Variants in EDA observed in about 807,000 individuals in gnomAD.
EDA encodes the protein ectodysplasin-A.
In EDA, 2 loss-of-function variants were observed where a neutral mutation model predicts 23.6. The observed-to-expected ratio is 0.08, with a 90% CI of 0.03 to 0.27. The LOEUF is 0.27. Among genes scored for constraint, EDA ranks in the 10% least tolerant of loss-of-function variants. The pLI is 1.00. For synonymous variants in EDA, 131 were observed against 132.0 expected (o/e 0.99, Z 0.05); for missense variants, 229 against 324.2 (o/e 0.71, Z 2.26).
At chrX:69,784,909 T>C (rs1235347014) in intron 1 of EDA, among the ~76,000 whole-genome samples, 3 of 111,427 alleles carry the variant, frequency 2.7e-5, no homozygotes, top group East Asian at 2.8e-4. Flanking sequence ...CGATATTGAT[T>C]CTTCCTACCC....
chrX:69,670,726 G>A (rs2147267001), intron 1 of EDA, among the ~76,000 whole-genome samples: 1 of 108,644 alleles, frequency 9.2e-6, no homozygotes, highest in South Asian at 4.0e-4. Context: ...TAATTTTGCT[G>A]ATTGAACTTT....
chrX:69,656,389 C>G (rs754033767), intron 1 of EDA, among the ~76,000 whole-genome samples: 35 of 111,772 alleles, frequency 3.1e-4, no homozygotes, highest in Admixed American at 2.9e-4. Flanking sequence ...AATCACAATT[C>G]TAATAACATT....
intron 1 of EDA, among the ~76,000 whole-genome samples, chrX:69,619,057 A>G (rs1054414735): frequency 8.9e-6 from 1 of 112,238 alleles, no homozygotes; most frequent in Non-Finnish European, 1.9e-5. Flanking sequence ...AGAATTCTAC[A>G]TTGTGCTGAC....
chrX:69,845,494 C>T (rs2016988540), intron 1 of EDA, among the ~76,000 whole-genome samples: 1 of 112,352 alleles, frequency 8.9e-6, no homozygotes, highest in Admixed American at 9.4e-5. Context: ...CAATTAGCAA[C>T]TTTACATAGC....
intron 1 of EDA, among the ~76,000 whole-genome samples, chrX:69,752,740 G>C (rs1160214708): frequency 8.9e-6 from 1 of 111,768 alleles, no homozygotes; most frequent in Non-Finnish European, 1.9e-5. Flanking sequence ...ATTAATTATT[G>C]CCTCAATTTC....
chrX:69,699,237 T>A (rs1038394855), intron 1 of EDA, among the ~76,000 whole-genome samples: 1 of 111,070 alleles, frequency 9.0e-6, no homozygotes, highest in Non-Finnish European at 1.9e-5. Context: ...CTTTAGAGGA[T>A]AGGAATTGTT....
chrX:69,889,240 C>T (rs1192807367), intron 1 of EDA, among the ~76,000 whole-genome samples: 2 of 106,446 alleles, frequency 1.9e-5, no homozygotes, highest in Non-Finnish European at 3.9e-5. Flanking sequence ...TTTGACCTCC[C>T]GGGCTCAAGC....
chrX:69,728,323 G>C (rs1386974960), intron 1 of EDA, among the ~76,000 whole-genome samples: 1 of 111,553 alleles, frequency 9.0e-6, no homozygotes, highest in African/African-American at 3.3e-5. Flanking sequence ...GAATGTTGTA[G>C]GGGAATCATA....
intron 1 of EDA, among the ~76,000 whole-genome samples, chrX:69,888,801 C>G (rs1602511382): frequency 9.6e-6 from 1 of 103,647 alleles, no homozygotes; most frequent in African/African-American, 3.5e-5. Context: ...TGTATACATA[C>G]TACATTTTGT....
At chrX:69,785,632 AG>A (rs2015135076) in intron 1 of EDA, among the ~76,000 whole-genome samples, 1 of 110,254 alleles carries the variant, frequency 9.1e-6, no homozygotes, top group Non-Finnish European at 1.9e-5. Context: ...CTTGCATCCC[AG>A]GGTTGAAGCC....
chrX:69,899,460 C>T (rs2018066700), intron 1 of EDA, among the ~76,000 whole-genome samples: 1 of 111,030 alleles, frequency 9.0e-6, no homozygotes, highest in Non-Finnish European at 1.9e-5. Flanking sequence ...ATCTAAAAAA[C>T]CATGTTGCAA....
chrX:69,699,792 G>T (rs1400728869), intron 1 of EDA, among the ~76,000 whole-genome samples: 3 of 110,591 alleles, frequency 2.7e-5, no homozygotes, highest in Non-Finnish European at 5.7e-5. Flanking sequence ...AGACGGAAAG[G>T]TTGGGTAATA....
chrX:69,966,122 T>C (rs138179562), intron 2 of EDA, among the ~76,000 whole-genome samples: 1,204 of 112,419 alleles, frequency 0.011, 7 homozygotes, highest in Middle Eastern at 0.055. Flanking sequence ...GCAACAATTT[T>C]ATAATACATT....
intron 1 of EDA, among the ~76,000 whole-genome samples, chrX:69,629,075 G>A (rs988046577): frequency 2.7e-5 from 3 of 111,566 alleles, no homozygotes; most frequent in Admixed American, 1.9e-4. Context: ...CCTACTGCCC[G>A]TAGAATAAAG....
At chrX:69,771,525 G>A (rs189360867) in intron 1 of EDA, among the ~76,000 whole-genome samples, 69 of 111,693 alleles carry the variant, frequency 6.2e-4, no homozygotes, top group African/African-American at 2.2e-3. Flanking sequence ...CCTGGTGTGA[G>A]GGGGAAATAA....
intron 1 of EDA, among the ~76,000 whole-genome samples, chrX:69,882,537 C>T: frequency 9.0e-6 from 1 of 111,631 alleles, no homozygotes; most frequent in South Asian, 3.8e-4. Context: ...TTTATGAGGT[C>T]CCCAGTAGAA....
chrX:69,944,263 A>T (rs905012753), intron 1 of EDA, among the ~76,000 whole-genome samples: 4 of 111,807 alleles, frequency 3.6e-5, no homozygotes, highest in African/African-American at 1.3e-4. Flanking sequence ...TAGCCACCAC[A>T]GTTGGGAATG....
intron 1 of EDA, among the ~76,000 whole-genome samples, chrX:69,792,636 G>A (rs778005103): frequency 1.8e-5 from 2 of 111,921 alleles, no homozygotes; most frequent in South Asian, 3.7e-4. Flanking sequence ...AACATCTATC[G>A]TTTTTGACCT....
At chrX:69,855,285 C>A (rs2017221093) in intron 1 of EDA, among the ~76,000 whole-genome samples, 1 of 111,944 alleles carries the variant, frequency 8.9e-6, no homozygotes, top group African/African-American at 3.2e-5. Context: ...GTTTCCTTTG[C>A]TCTGCAGAAG....
Sources: allele counts gnomAD v4.1 joint callset (sites outside exome capture counted in the v4.1 genomes callset), GRCh38; gene constraint gnomAD v4.1.1; transcripts MANE v1.5; gene names NCBI Gene and HGNC (gene_info 2026-07-23, HGNC 2026-07-21).